The following AKIRIN2 variants were observed in gnomAD, a reference collection of about 807,000 sequenced individuals.
AKIRIN2 encodes the protein akirin-2.
In AKIRIN2, 6 loss-of-function variants were observed where a neutral mutation model predicts 29.3. The observed-to-expected ratio is 0.20, with a 90% CI of 0.11 to 0.40. The LOEUF (loss-of-function observed/expected upper bound fraction) is 0.40, where lower values mean the gene tolerates loss of function less well. Among genes scored for constraint, AKIRIN2 ranks in the 10% least tolerant of loss-of-function variants. AKIRIN2 has a pLI of 1.00. For missense variants in AKIRIN2, 210 were observed against 276.1 expected (o/e 0.76, Z 1.70); for synonymous variants, 128 against 117.5 (o/e 1.09, Z -0.58).
chr6:87,689,851 G>A (rs1392885696), intron 1 of AKIRIN2, among the ~76,000 whole-genome samples: 1 of 152,220 alleles, frequency 6.6e-6, no homozygotes, highest in East Asian at 1.9e-4. Flanking sequence ...TTCCCTCCTA[G>A]TTTACTTTAA....
intron 1 of AKIRIN2, among the ~76,000 whole-genome samples, chr6:87,696,556 C>A (rs1771368737): frequency 6.6e-6 from 1 of 151,522 alleles, no homozygotes; most frequent in Admixed American, 6.6e-5. Flanking sequence ...AAAATATTAG[C>A]CAGGCATGGT....
At chr6:87,699,493 G>T (rs1771423863) in intron 1 of AKIRIN2, among the ~76,000 whole-genome samples, 1 of 151,950 alleles carries the variant, frequency 6.6e-6, no homozygotes, top group Non-Finnish European at 1.5e-5. Context: ...ATAAGGATGT[G>T]ATTTTAGGTT....
chr6:87,693,489 G>C (rs1448146680), intron 1 of AKIRIN2, among the ~76,000 whole-genome samples: 1 of 152,132 alleles, frequency 6.6e-6, no homozygotes. Flanking sequence ...CAGCACTGTG[G>C]CAGGCCCAGA....
intron 2 of AKIRIN2, among the ~76,000 whole-genome samples, chr6:87,680,283 ATTTT>A (rs10563070): frequency 2.1e-4 from 17 of 79,602 alleles, no homozygotes; most frequent in African/African-American, 6.9e-4. Flanking sequence ...ATGGTCTTTG[ATTTT>A]TTTTTTTTTT....
In AKIRIN2 at chr6:87,702,093, G is replaced by A. The variant is rs961817987; in HGVS notation, c.-409C>T. The stretch of plus-strand genomic sequence containing the variant: ...TCGAAAACAGCACCGTGGGGTGTGA[G>A]GCTGGAACGCGGCTCCTAATACGCC... On this transcript the variant is annotated 5_prime_UTR_variant, in exon 1 of 5. Transcript: ENST00000257787. 1.8e-5 allele frequency: 7 copies of A among 399,144 alleles called. No homozygotes were observed. Among genetic ancestry groups the A allele is most frequent in the African/African-American group, 1.4e-4 (7 of 48,666 alleles). The allele number at this position is 399,144 out of a possible 1,614,324, so 24.7% of individuals were successfully genotyped here.
In AKIRIN2 at chr6:87,701,302, C is replaced by G. The variant is rs1771459921; in HGVS notation, c.235+148G>C. ...TATTAGGTCCTCGGGCTACGAGGAC[C>G]TAGTGAAAAACGTGGCTGCCCTACT... On this transcript the variant is annotated intron_variant, in intron 1 of 4. Transcript: ENST00000257787. The G allele has an allele frequency of 4.4e-6, 3 of 686,736 alleles. 1 individual carries two copies. Among genetic ancestry groups the G allele is most frequent in the South Asian group, 4.5e-5 (2 of 44,292 alleles). 42.5% of individuals were successfully genotyped at this position (686,736 alleles called of 1,614,324 possible).
At chr6:87,695,053 C>T (rs1771336632) in intron 1 of AKIRIN2, among the ~76,000 whole-genome samples, 1 of 152,092 alleles carries the variant, frequency 6.6e-6, no homozygotes, top group South Asian at 2.1e-4. Context: ...ATCACAACTT[C>T]TTATTAAAAA....
chr6:87,685,533 C>T (rs1771173914), intron 1 of AKIRIN2, among the ~76,000 whole-genome samples: 1 of 152,164 alleles, frequency 6.6e-6, no homozygotes, highest in Non-Finnish European at 1.5e-5. Flanking sequence ...CTTGCCAACA[C>T]AATTTACAGT....
At chr6:87,680,766 C>A (rs117126137) in intron 2 of AKIRIN2, among the ~76,000 whole-genome samples, 22 of 20,180 alleles carry the variant, frequency 1.1e-3, no homozygotes, top group East Asian at 7.8e-3. Flanking sequence ...ATTCCCCGCC[C>A]CCCCCCTTTT....
chr6:87,675,264 T>C lies in AKIRIN2; in HGVS notation c.*333A>G, dbSNP rs2128299850. 9.0e-6 allele frequency: 3 copies of C among 334,346 alleles called. No individual in the cohort carries two copies. Among genetic ancestry groups the C allele is most frequent in the East Asian group, 1.0e-4 (2 of 19,388 alleles). 20.7% of individuals were successfully genotyped at this position (334,346 alleles called of 1,614,324 possible). ...ACTAACTTCATCTGAAGTGTCATTC[T>C]ACAGTTTTATTTACACAACCAGTGA... On this transcript the variant is annotated 3_prime_UTR_variant, in exon 5 of 5. Coordinates refer to ENST00000257787, the MANE Select transcript of AKIRIN2 (RefSeq NM_018064.4).
At chr6:87,676,602 C>CACACACACACACACACACAT (rs1771000590) in intron 3 of AKIRIN2, among the ~76,000 whole-genome samples, 1 of 68,508 alleles carries the variant, frequency 1.5e-5, no homozygotes, top group South Asian at 5.2e-4. Context: ...TAAAAACACA[C>CACACACACACACACACACAT]ACACACACAC....
Position 87,701,506 on chromosome 6 carries a change from T to C in AKIRIN2, c.179A>G (p.Lys60Arg). The change falls in exon 1 of 5, where the codon AAG becomes AGG. Residue 60 changes from lysine to arginine, a missense_variant. Physicochemically the swap from Lys to Arg is conservative, Grantham distance 26. Transcript: ENST00000257787. ...SFSAAAASPQ[K>R]YLRMEPSPFG... ...GGGGGATGGCTCCATTCGGAGATAC[T>C]TCTGCGGCGAGGCGGCCGCAGCGGA... 6.8e-7 allele frequency: 1 copy of C among 1,461,644 alleles called. No homozygotes were observed. The highest frequency in any genetic ancestry group is 9.0e-7 in the Non-Finnish European group (1 of 1,109,538). The allele number at this position is 1,461,644 out of a possible 1,614,324, so 90.5% of individuals were successfully genotyped here. A position where few individuals can be genotyped will look rare whatever the true frequency, so the allele number is the denominator to read the frequency against.
intron 3 of AKIRIN2, among the ~76,000 whole-genome samples, chr6:87,676,998 A>G (rs1582115066): frequency 6.7e-6 from 1 of 149,254 alleles, no homozygotes; most frequent in African/African-American, 2.5e-5. Context: ...AATGGCGTGA[A>G]CCCGGAAAGT....
chr6:87,698,917 G>A (rs182696521), intron 1 of AKIRIN2, among the ~76,000 whole-genome samples: 22 of 152,238 alleles, frequency 1.4e-4, no homozygotes, highest in Admixed American at 1.4e-3. Flanking sequence ...GAAACTGAAA[G>A]TATCTAGAGG....
chr6:87,682,979 T>C (rs1771141044), intron 1 of AKIRIN2, among the ~76,000 whole-genome samples: 1 of 152,286 alleles, frequency 6.6e-6, no homozygotes, highest in East Asian at 1.9e-4. Flanking sequence ...CTTTTTAAAA[T>C]TTAATACTGG....
intron 2 of AKIRIN2, among the ~76,000 whole-genome samples, chr6:87,681,293 C>T (rs565690756): frequency 6.6e-6 from 1 of 152,116 alleles, no homozygotes; most frequent in African/African-American, 2.4e-5. Context: ...CTACCTCGCT[C>T]GGCCTCCCCA....
chr6:87,680,403 G>A (rs1053186981), intron 2 of AKIRIN2, among the ~76,000 whole-genome samples: 3 of 148,280 alleles, frequency 2.0e-5, no homozygotes, highest in African/African-American at 7.4e-5. Flanking sequence ...TACCTCAGTA[G>A]CTGAGACTAC....
chr6:87,680,572 C>T (rs1001957129), intron 2 of AKIRIN2, among the ~76,000 whole-genome samples: 5 of 151,518 alleles, frequency 3.3e-5, no homozygotes, highest in African/African-American at 1.2e-4. Context: ...CGCCCAGCCG[C>T]AAATTTTTTT....
chr6:87,679,532 A>C, intron 2 of AKIRIN2, among the ~76,000 whole-genome samples: 1 of 152,194 alleles, frequency 6.6e-6, no homozygotes, highest in Non-Finnish European at 1.5e-5. Context: ...ACATTCTGAA[A>C]TCTACTTTGC....
Sources: gnomAD v4.1 joint callset for allele counts (sites outside exome capture counted in the v4.1 genomes callset) on GRCh38, gnomAD v4.1.1 for gene constraint, MANE v1.5 for transcripts, NCBI Gene and HGNC (gene_info 2026-07-23, HGNC 2026-07-21) for gene names.